LY86: variants seen among roughly 807,000 people sequenced by gnomAD.
LY86 encodes the protein lymphocyte antigen 86, also known as MD-1, RP105-associated.
In LY86, 20 loss-of-function variants were observed where a neutral mutation model predicts 17.3. That is an observed-to-expected ratio of 1.15 (90% CI 0.81 to 1.68). LY86 has a LOEUF of 1.68. Among genes scored for constraint, LY86 ranks in the 40% most tolerant of loss-of-function variants. The pLI is 0.00. For synonymous variants in LY86, 74 were observed against 70.6 expected, an observed-to-expected ratio of 1.05 and a Z score of -0.24; for missense variants, 200 against 191.9, an observed-to-expected ratio of 1.04 and a Z score of -0.25.
chr6:6,630,732 T>C (rs1290735556), intron 3 of LY86, among the ~76,000 whole-genome samples: 1 of 152,150 alleles, frequency 6.6e-6, no homozygotes, highest in Non-Finnish European at 1.5e-5. Flanking sequence ...GTCTCCATCT[T>C]GGTCGCACAT....
chr6:6,614,167 A>G (rs967208666), intron 1 of LY86, among the ~76,000 whole-genome samples: 1 of 152,136 alleles, frequency 6.6e-6, no homozygotes, highest in African/African-American at 2.4e-5. Flanking sequence ...GCTTATGGAG[A>G]GGCACGAAGC....
At chr6:6,625,033 G>C (rs762733808) in intron 2 of LY86, 21 bp downstream of exon 2, 5 of 1,166,266 alleles carry the variant, frequency 4.3e-6, no homozygotes, top group Non-Finnish European at 6.3e-6. Flanking sequence ...AAAATGATTA[G>C]CATGAAATAA....
chr6:6,603,619 C>CAAAAAAAAAAAAAAA (rs758614233), intron 1 of LY86, among the ~76,000 whole-genome samples: 3 of 117,664 alleles, frequency 2.5e-5, no homozygotes, highest in African/African-American at 3.1e-5. Context: ...AAAAAACAAA[C>CAAAAAAAAAAAAAAA]AAAAAAAAAC....
chr6:6,653,772 C>T (rs1211969774), intron 4 of LY86, among the ~76,000 whole-genome samples: 1 of 152,236 alleles, frequency 6.6e-6, no homozygotes, highest in Non-Finnish European at 1.5e-5. Flanking sequence ...CACCTTTAAC[C>T]CATTTCTTTC....
At chr6:6,637,839 T>G (rs1761981824) in intron 3 of LY86, among the ~76,000 whole-genome samples, 2 of 152,228 alleles carry the variant, frequency 1.3e-5, no homozygotes, top group African/African-American at 4.8e-5. Context: ...CATCATCTAC[T>G]TCATTTCCAT....
intron 2 of LY86, 112 bp from the exon 3 acceptor site, chr6:6,626,181 A>C (rs994535280): frequency 9.7e-7 from 1 of 1,035,900 alleles, no homozygotes; most frequent in Non-Finnish European, 1.4e-6. Context: ...CCACACAGAG[A>C]AGATTAATGG....
At chr6:6,594,597 A>G (rs6934654) in intron 1 of LY86, among the ~76,000 whole-genome samples, 16,411 of 152,240 alleles carry the variant, frequency 0.11, 2,522 homozygotes, top group African/African-American at 0.34. Flanking sequence ...TCGCCAGATC[A>G]GAGTCTCAAG....
chr6:6,646,284 A>T (rs1281605844), intron 3 of LY86, among the ~76,000 whole-genome samples: 3 of 152,060 alleles, frequency 2.0e-5, no homozygotes, highest in African/African-American at 4.8e-5. Flanking sequence ...AAGCCCAGAT[A>T]GTCTGACCCC....
At chr6:6,634,554 C>T (rs1761936583) in intron 3 of LY86, among the ~76,000 whole-genome samples, 1 of 152,152 alleles carries the variant, frequency 6.6e-6, no homozygotes, top group Admixed American at 6.5e-5. Flanking sequence ...AAAGGTGTAA[C>T]CACGGTGGGT....
intron 3 of LY86, among the ~76,000 whole-genome samples, chr6:6,629,127 T>C (rs956974477): frequency 6.6e-6 from 1 of 152,230 alleles, no homozygotes; most frequent in Non-Finnish European, 1.5e-5. Flanking sequence ...ATTTATCTGC[T>C]TTATTGCAAT....
intron 1 of LY86, among the ~76,000 whole-genome samples, chr6:6,617,002 T>C (rs1466254488): frequency 6.6e-6 from 1 of 152,258 alleles, no homozygotes; most frequent in Admixed American, 6.5e-5. Context: ...GAAATCCACA[T>C]TGGCAGCGGA....
intron 1 of LY86, among the ~76,000 whole-genome samples, chr6:6,619,507 C>T (rs931518665): frequency 1.3e-5 from 2 of 152,170 alleles, no homozygotes; most frequent in African/African-American, 2.4e-5. Flanking sequence ...TTTTCCTTCC[C>T]TCCATAAACT....
At chr6:6,617,413 GTC>G (rs1761580040) in intron 1 of LY86, among the ~76,000 whole-genome samples, 1 of 152,176 alleles carries the variant, frequency 6.6e-6, no homozygotes, top group Non-Finnish European at 1.5e-5. Flanking sequence ...AACATGCCTT[GTC>G]TACAGAAGAC....
At chr6:6,606,514 G>A (rs1028658466) in intron 1 of LY86, among the ~76,000 whole-genome samples, 1 of 152,220 alleles carries the variant, frequency 6.6e-6, no homozygotes, top group Non-Finnish European at 1.5e-5. Context: ...GGGGCGCCGT[G>A]TAGCAGGGGG....
At chr6:6,589,670 CTCT>C (rs1311100451) in intron 1 of LY86, among the ~76,000 whole-genome samples, 2 of 152,150 alleles carry the variant, frequency 1.3e-5, no homozygotes, top group African/African-American at 2.4e-5. Context: ...CCTGAGACCT[CTCT>C]TCTTTGCTTC....
chr6:6,639,708 G>T (rs868147025), intron 3 of LY86, among the ~76,000 whole-genome samples: 2 of 152,068 alleles, frequency 1.3e-5, no homozygotes, highest in Non-Finnish European at 2.9e-5. Context: ...GGCCACACAG[G>T]GTAATCTACC....
intron 3 of LY86, among the ~76,000 whole-genome samples, chr6:6,638,822 C>T (rs1300732447): frequency 9.0e-6 from 1 of 111,716 alleles, no homozygotes; most frequent in Non-Finnish European, 1.7e-5. Context: ...CCCCACCCCA[C>T]AACAGTCCCC....
At chr6:6,605,295 G>C (rs1053508811) in intron 1 of LY86, among the ~76,000 whole-genome samples, 3 of 152,112 alleles carry the variant, frequency 2.0e-5, no homozygotes, top group Non-Finnish European at 2.9e-5. Flanking sequence ...TTTTCCTCTG[G>C]GGCAGGAATT....
At chr6:6,629,727 C>A (rs1286451527) in intron 3 of LY86, among the ~76,000 whole-genome samples, 1 of 152,202 alleles carries the variant, frequency 6.6e-6, no homozygotes, top group African/African-American at 2.4e-5. Flanking sequence ...CTGCCTTGTC[C>A]TCAGCTAGCT....
Sources: gnomAD v4.1 joint callset for allele counts (sites outside exome capture counted in the v4.1 genomes callset) on GRCh38, gnomAD v4.1.1 for gene constraint, MANE v1.5 for transcripts, NCBI Gene and HGNC (gene_info 2026-07-23, HGNC 2026-07-21) for gene names.